Variants in SMAD1 observed in about 807,000 individuals in gnomAD.
SMAD1 encodes the protein SMAD family member 1.
Under a neutral mutation model 41.6 loss-of-function variants are expected in SMAD1, and 6 were observed. That is an observed-to-expected ratio of 0.14 (90% CI 0.08 to 0.28). The LOEUF is 0.28. Among genes scored for constraint, SMAD1 ranks in the 10% least tolerant of loss-of-function variants. SMAD1 has a pLI of 1.00. For synonymous variants in SMAD1, 206 were observed against 203.2 expected (o/e 1.01, Z -0.12); for missense variants, 379 against 582.6 (o/e 0.65, Z 3.60).
At chr4:145,510,078 C>G (rs1477301801) in intron 1 of SMAD1, among the ~76,000 whole-genome samples, 1 of 151,822 alleles carries the variant, frequency 6.6e-6, no homozygotes, top group East Asian at 1.9e-4. Flanking sequence ...TAGACATGCA[C>G]CGTTTGCCAT....
chr4:145,553,122 C>G (rs2126553431), intron 5 of SMAD1, among the ~76,000 whole-genome samples: 1 of 151,502 alleles, frequency 6.6e-6, no homozygotes, highest in Admixed American at 6.6e-5. Flanking sequence ...CCGTGCTGCC[C>G]AGGCTGGTCT....
chr4:145,539,863 G>C lies in SMAD1; in HGVS notation c.460G>C (p.Ala154Pro). The change falls in exon 3 of 7, where the codon GCT becomes CCT. Residue 154 changes from alanine to proline, a missense_variant. Around this residue, in one of 3 missense-constraint regions of SMAD1, gnomAD observed 208 missense variants for 210.5 expected, o/e 0.99. Transcript: ENST00000302085. ...SEYNPQHSLL[A>P]QFRNLGQNEP... Reference sequence around the variant, plus strand: ...ATATAATCCTCAGCACAGCCTCTTAGCTCAGTTCCGTAACTTAGGACAAAA... The same window carrying C: ...ATATAATCCTCAGCACAGCCTCTTACCTCAGTTCCGTAACTTAGGACAAAA... 1 of 1,613,958 alleles carries C rather than the reference G, an allele frequency of 6.2e-7. No homozygotes were observed. Among genetic ancestry groups the C allele is most frequent in the Non-Finnish European group, 8.5e-7 (1 of 1,180,000 alleles).
chr4:145,534,278 T>C (rs1022243945), intron 2 of SMAD1, among the ~76,000 whole-genome samples: 2 of 152,242 alleles, frequency 1.3e-5, no homozygotes, highest in Non-Finnish European at 2.9e-5. Flanking sequence ...ACAATACTTG[T>C]AGAACACAAA....
chr4:145,522,654 G>GTGTTT (rs201579124), intron 2 of SMAD1, among the ~76,000 whole-genome samples: 31 of 152,046 alleles, frequency 2.0e-4, no homozygotes, highest in African/African-American at 5.3e-4. Flanking sequence ...CATTGTGAAT[G>GTGTTT]TGTTTTGTTT....
chr4:145,536,264 G>T (rs549549320), intron 2 of SMAD1, among the ~76,000 whole-genome samples: 130 of 152,130 alleles, frequency 8.5e-4, no homozygotes, highest in Non-Finnish European at 1.2e-3. Flanking sequence ...AATCAATGTG[G>T]CTCCAGTAGA....
intron 1 of SMAD1, among the ~76,000 whole-genome samples, chr4:145,511,957 A>AG (rs1328284058): frequency 1.3e-5 from 2 of 152,170 alleles, no homozygotes; most frequent in East Asian, 3.8e-4. Flanking sequence ...GCTGTAAACC[A>AG]GTTCTCTCAG....
intron 3 of SMAD1, among the ~76,000 whole-genome samples, chr4:145,540,381 C>G (rs367584352): frequency 7.9e-5 from 12 of 152,240 alleles, no homozygotes; most frequent in African/African-American, 2.9e-4. Context: ...AAGAAAAATA[C>G]CGTGTTACAC....
At chr4:145,519,244 C>A (rs1730593217) in intron 2 of SMAD1, among the ~76,000 whole-genome samples, 1 of 70,334 alleles carries the variant, frequency 1.4e-5, no homozygotes, top group Non-Finnish European at 5.3e-5. Flanking sequence ...TACAGACGTG[C>A]ATCACCACGC....
intron 2 of SMAD1, among the ~76,000 whole-genome samples, chr4:145,538,745 G>A (rs1314893847): frequency 1.3e-5 from 2 of 151,992 alleles, no homozygotes; most frequent in East Asian, 1.9e-4. Context: ...TTTATGAAAC[G>A]GGCTGCTTTT....
chr4:145,497,564 C>T (rs893257998), intron 1 of SMAD1: 2 of 152,120 alleles, frequency 1.3e-5, no homozygotes, highest in Non-Finnish European at 2.9e-5. Flanking sequence ...TTAATGGAAA[C>T]GAAAGCCTTC....
At chr4:145,500,342 AC>A (rs1729358643) in intron 1 of SMAD1, among the ~76,000 whole-genome samples, 1 of 151,930 alleles carries the variant, frequency 6.6e-6, no homozygotes, top group Non-Finnish European at 1.5e-5. Context: ...TCCCGCACAT[AC>A]CTTCCCCTGT....
At chr4:145,495,034 T>C (rs762162850) in intron 1 of SMAD1, among the ~76,000 whole-genome samples, 4 of 152,112 alleles carry the variant, frequency 2.6e-5, no homozygotes, top group African/African-American at 7.2e-5. Flanking sequence ...GGTGCTTAGA[T>C]TGCAAAGAGA....
At chr4:145,535,470 T>G (rs1441073589) in intron 2 of SMAD1, among the ~76,000 whole-genome samples, 6 of 152,228 alleles carry the variant, frequency 3.9e-5, no homozygotes, top group Admixed American at 2.0e-4. Context: ...ACCTTTGGTG[T>G]TGTTATCTGT....
At chr4:145,513,760 G>A (rs538385838) in intron 1 of SMAD1, among the ~76,000 whole-genome samples, 9 of 152,196 alleles carry the variant, frequency 5.9e-5, no homozygotes, top group Non-Finnish European at 1.2e-4. Flanking sequence ...TATATTTTTA[G>A]AGGTTATAAA....
At chr4:145,502,395 G>A (rs1195449123) in intron 1 of SMAD1, among the ~76,000 whole-genome samples, 1 of 152,152 alleles carries the variant, frequency 6.6e-6, no homozygotes, top group East Asian at 1.9e-4. Context: ...ATATAGAAAA[G>A]CCAACTTTGT....
intron 2 of SMAD1, among the ~76,000 whole-genome samples, chr4:145,536,482 A>G (rs1187724440): frequency 2.6e-5 from 4 of 152,184 alleles, no homozygotes; most frequent in Admixed American, 2.6e-4. Context: ...GCCAAATCTA[A>G]GACAATATGA....
chr4:145,540,044 G>A lies in SMAD1; in HGVS notation c.641G>A (p.Ser214Asn), dbSNP rs80246023. Residue 214 changes from serine (S) to asparagine (N), a missense_variant, in exon 3 of 7, where the codon AGC becomes AAC. Physicochemically the swap from Ser to Asn is conservative, Grantham distance 46 (BLOSUM62 1). This residue lies in a region of SMAD1 where 208 missense variants were observed against 210.5 expected (regional missense o/e 0.99). Transcript: ENST00000302085. ...PHSPTSSDPG[S>N]PFQMPADTPP... ...TCTCCCACCAGCTCAGACCCAGGAA[G>A]CCCTTTCCAGATGCCAGGTAGGTTG... 1.9e-6 allele frequency: 3 copies of A among 1,613,944 alleles called. No individual in the cohort carries two copies. Among genetic ancestry groups the A allele is most frequent in the East Asian group, 2.2e-5 (1 of 44,892 alleles).
intron 1 of SMAD1, among the ~76,000 whole-genome samples, chr4:145,510,859 G>T (rs1730036697): frequency 6.6e-6 from 1 of 152,082 alleles, no homozygotes; most frequent in South Asian, 2.1e-4. Flanking sequence ...TTTGCTTTAT[G>T]AATTTGAGAC....
chr4:145,505,682 C>T (rs911051325), intron 1 of SMAD1, among the ~76,000 whole-genome samples: 3 of 151,926 alleles, frequency 2.0e-5, no homozygotes, highest in Non-Finnish European at 4.4e-5. Flanking sequence ...CTCTGAAGCC[C>T]ACCATAGGTC....
Sources: allele counts gnomAD v4.1 joint callset (sites outside exome capture counted in the v4.1 genomes callset), GRCh38; gene constraint gnomAD v4.1.1; regional missense constraint gnomAD v4.1.1; transcripts MANE v1.5; gene names NCBI Gene and HGNC (gene_info 2026-07-23, HGNC 2026-07-21).